CABP5: variants seen among roughly 807,000 people sequenced by gnomAD.
The protein encoded by CABP5 is calcium-binding protein 5.
CABP5 carries 17 observed loss-of-function variants against 21.9 expected under a neutral mutation model. The observed-to-expected ratio is 0.78, with a 90% confidence interval of 0.53 to 1.17. CABP5 has a LOEUF of 1.17. Ranked by LOEUF, CABP5 falls within the 50% of genes most tolerant of loss-of-function variation. The probability of loss-of-function intolerance (pLI) is 0.00; values close to 1 mark genes in which losing one functional copy is unlikely to be tolerated. For missense variants in CABP5, 229 were observed against 228.9 expected (o/e 1.00, Z 0.00); for synonymous variants, 85 against 79.4 (o/e 1.07, Z -0.37).
intron 5 of CABP5, among the ~76,000 whole-genome samples, chr19:48,033,896 G>A (rs1256363073): frequency 1.3e-5 from 2 of 152,116 alleles, no homozygotes; most frequent in South Asian, 4.1e-4. Flanking sequence ...GATGGGACAA[G>A]TTCTTCCTAG....
intron 5 of CABP5, 22 bp downstream of exon 5, chr19:48,034,193 C>T (rs764538636): frequency 2.6e-6 from 4 of 1,522,644 alleles, no homozygotes; most frequent in African/African-American, 2.8e-5. Flanking sequence ...CCCCGCTCCC[C>T]ACCACGCCCC....
At position 48,031,861 on chromosome 19, in the gene CABP5, T is replaced by G. The variant is rs116361127; in HGVS notation, c.497-1279A>C. Among the ~76,000 whole-genome samples the G allele has an allele frequency of 4.8e-3, 592 of 123,420 alleles. 5 individuals are homozygous for G. The highest frequency in any genetic ancestry group is 0.018 in the African/African-American group (575 of 32,432). The allele number at this position is 123,420 out of a possible 152,430, so 81.0% of individuals were successfully genotyped here. On this transcript the variant is annotated intron_variant, in intron 5 of 5. Transcript: ENST00000293255. ...TGTCACTTGATGTCCACTGCACACC[T>G]AATCCTGGCTAGATCTAGCAGGTGT... is the stretch of plus-strand genomic sequence containing the variant.
At chr19:48,031,672 G>A (rs1331977815) in intron 5 of CABP5, among the ~76,000 whole-genome samples, 3 of 152,166 alleles carry the variant, frequency 2.0e-5, no homozygotes, top group East Asian at 1.9e-4. Context: ...CTGAGGCCAC[G>A]TGGATAGTGA....
intron 1 of CABP5, among the ~76,000 whole-genome samples, chr19:48,041,859 C>G (rs1404215638): frequency 6.6e-6 from 1 of 152,100 alleles, no homozygotes; most frequent in Non-Finnish European, 1.5e-5. Context: ...GAGACAAACA[C>G]CCATCACATT....
In CABP5 at chr19:48,030,319, G is replaced by A. The variant is rs903023792; in HGVS notation, c.*238C>T. 6.5e-6 allele frequency: 3 copies of A among 458,360 alleles called. No individual in the cohort carries two copies. Among genetic ancestry groups the A allele is most frequent in the South Asian group, 5.0e-5 (1 of 19,880 alleles). The allele number at this position is 458,360 out of a possible 1,614,324, so 28.4% of individuals were successfully genotyped here. A position where few individuals can be genotyped will look rare whatever the true frequency, so the allele number is the denominator to read the frequency against. ...GGGGGTGGCAACTGGACCCTCCCAC[G>A]CTTCCTATTTCCATCCACAGACTCT... On this transcript the variant is annotated 3_prime_UTR_variant, in exon 6 of 6. Coordinates refer to ENST00000293255, the MANE Select transcript of CABP5 (RefSeq NM_019855.5).
chr19:48,033,037 G>T (rs573146711), intron 5 of CABP5, among the ~76,000 whole-genome samples: 1 of 145,244 alleles, frequency 6.9e-6, no homozygotes, highest in Non-Finnish European at 1.5e-5. Flanking sequence ...TTTTTTGGAC[G>T]GAGTGTTGCT....
chr19:48,036,356 T>A (rs1481134179), intron 4 of CABP5, among the ~76,000 whole-genome samples: 3 of 152,342 alleles, frequency 2.0e-5, no homozygotes, highest in East Asian at 3.9e-4. Context: ...TGTGTTGTTG[T>A]GTGGGGCAGG....
At chr19:48,042,492 C>T (rs1967493408) in intron 1 of CABP5, among the ~76,000 whole-genome samples, 1 of 152,120 alleles carries the variant, frequency 6.6e-6, no homozygotes, top group Admixed American at 6.6e-5. Flanking sequence ...TCCCATCTCC[C>T]TTTATCCCTG....
intron 1 of CABP5, among the ~76,000 whole-genome samples, chr19:48,042,700 G>A (rs1354406458): frequency 6.6e-6 from 1 of 151,356 alleles, no homozygotes; most frequent in Non-Finnish European, 1.5e-5. Context: ...TCAGCCTCCC[G>A]AGTAGCTGGG....
chr19:48,043,588 A>G (rs1043887819), intron 1 of CABP5, among the ~76,000 whole-genome samples: 2 of 7,972 alleles, frequency 2.5e-4, no homozygotes, highest in African/African-American at 9.4e-4. Flanking sequence ...AATGATGGTA[A>G]TCTCAACAAT....
At chr19:48,041,494 A>G in intron 2 of CABP5, 79 bp downstream of exon 2, 5 of 1,318,194 alleles carry the variant, frequency 3.8e-6, no homozygotes, top group Non-Finnish European at 5.4e-6. Context: ...TGGAATTTAT[A>G]CGGAAATGCA....
At position 48,041,580 on chromosome 19, in the gene CABP5, C is replaced by T. The variant is rs35535557; in HGVS notation, c.87G>A (p.Glu29=). 118,580 of 1,611,320 alleles carry T rather than the reference C, an allele frequency of 0.074. 4,656 individuals are homozygous for T. The highest frequency in any genetic ancestry group is 0.11 in the South Asian group (9,695 of 90,604). ...KQRERPLGQD[E]IEELREAFLE... ...TGGGGAAGACGGTGTTACCTTCAAT[C>T]TCATCTTGTCCCAGTGGTCTTTCCT... The change falls in exon 2 of 6, where the codon GAG becomes GAA. Residue 29 remains glutamate, a synonymous_variant. Transcript: ENST00000293255.
At chr19:48,034,756 G>A (rs1415957806) in intron 4 of CABP5, among the ~76,000 whole-genome samples, 3 of 151,842 alleles carry the variant, frequency 2.0e-5, no homozygotes, top group African/African-American at 7.3e-5. Flanking sequence ...ATGTTGGCCA[G>A]GCTGATCTTG....
In CABP5 at chr19:48,043,857, C is replaced by T. The variant is rs766547380; in HGVS notation, c.63+3G>A. ...CGCCCTTCCCCCTCACTCCCCACCT[C>T]ACCCGCTGTTTCTCAGCAATGCCTT... On this transcript the variant is annotated splice_donor_region_variant and intron_variant, in intron 1 of 5. Coordinates refer to ENST00000293255, the MANE Select transcript of CABP5 (RefSeq NM_019855.5). The T allele has an allele frequency of 6.7e-7, 1 of 1,500,430 alleles. No individual in the cohort carries two copies. The highest frequency in any genetic ancestry group is 8.9e-7 in the Non-Finnish European group (1 of 1,129,218). 92.9% of individuals were successfully genotyped at this position (1,500,430 alleles called of 1,614,324 possible). A position where few individuals can be genotyped will look rare whatever the true frequency, so the allele number is the denominator to read the frequency against.
At chr19:48,040,491 G>T (rs1255811786) in intron 3 of CABP5, 114 bp downstream of exon 3, 1 of 1,084,338 alleles carries the variant, frequency 9.2e-7, no homozygotes, top group Non-Finnish European at 1.3e-6. Flanking sequence ...CAGACTTCTA[G>T]TCCCTCTCAT....
chr19:48,030,407 C>T lies in CABP5; in HGVS notation c.*150G>A. 2.9e-6 allele frequency: 2 copies of T among 700,508 alleles called. No individual in the cohort carries two copies. Among genetic ancestry groups the T allele is most frequent in the Admixed American group, 3.0e-5 (1 of 33,300 alleles). The allele number at this position is 700,508 out of a possible 1,614,324, so 43.4% of individuals were successfully genotyped here. A position where few individuals can be genotyped will look rare whatever the true frequency, so the allele number is the denominator to read the frequency against. On this transcript the variant is annotated 3_prime_UTR_variant, in exon 6 of 6. Coordinates refer to ENST00000293255, the MANE Select transcript of CABP5 (RefSeq NM_019855.5). ...GCAAAGATACCGCTCTGGGTCTCAC[C>T]CCATGCACAGCGCCGCATGCCAATG... is the stretch of plus-strand genomic sequence containing the variant.
intron 1 of CABP5, among the ~76,000 whole-genome samples, chr19:48,042,882 C>A (rs1382024323): frequency 6.6e-6 from 1 of 152,136 alleles, no homozygotes; most frequent in Non-Finnish European, 1.5e-5. Context: ...TTTTTATTCT[C>A]TTTTTTTGGT....
chr19:48,033,173 T>C (rs112371512), intron 5 of CABP5, among the ~76,000 whole-genome samples: 30,647 of 151,862 alleles, frequency 0.2, 4,022 homozygotes, highest in Non-Finnish European at 0.28. Flanking sequence ...GGCTAATTTT[T>C]TTGTATTCGT....
At chr19:48,040,567 C>A (rs1967466900) in intron 3 of CABP5, 38 bp downstream of exon 3, 2 of 1,612,036 alleles carry the variant, frequency 1.2e-6, no homozygotes, top group Non-Finnish European at 1.7e-6. Context: ...CTGATCCCTT[C>A]CCTAACCCCG....
Sources: allele counts gnomAD v4.1 joint callset (sites outside exome capture counted in the v4.1 genomes callset), GRCh38; gene constraint gnomAD v4.1.1; transcripts MANE v1.5; gene names NCBI Gene and HGNC (gene_info 2026-07-23, HGNC 2026-07-21).